Variants in NAV3 observed in about 807,000 individuals in gnomAD.
NAV3 encodes neuron navigator 3.
NAV3 carries 87 observed loss-of-function variants against 244.7 expected under a neutral mutation model. That is an observed-to-expected ratio of 0.36 (90% CI 0.30 to 0.42). The LOEUF (loss-of-function observed/expected upper bound fraction) is 0.42. NAV3 is among the 20% of genes least tolerant of loss of function. NAV3 has a pLI of 1.00. For synonymous variants in NAV3, 1,126 were observed against 1,042.2 expected (o/e 1.08, Z -1.55); for missense variants, 2,663 against 2,893.3 (o/e 0.92, Z 1.83).
intron 2 of NAV3, among the ~76,000 whole-genome samples, chr12:77,721,544 T>C (rs1427091380): frequency 2.0e-5 from 3 of 152,182 alleles, no homozygotes; most frequent in Non-Finnish European, 2.9e-5. Flanking sequence ...CTTAAATTAG[T>C]TCTAGATATT....
At chr12:77,656,364 C>A (rs1873103893) in intron 2 of NAV3, among the ~76,000 whole-genome samples, 2 of 124,380 alleles carry the variant, frequency 1.6e-5, no homozygotes, top group African/African-American at 3.6e-5. Flanking sequence ...ACAAAGAAGG[C>A]CATTACATAA....
At chr12:78,070,887 A>C (rs1381988457) in intron 12 of NAV3, among the ~76,000 whole-genome samples, 3 of 147,558 alleles carry the variant, frequency 2.0e-5, no homozygotes, top group Admixed American at 1.4e-4. Context: ...TGAACTCATC[A>C]TTTTTTATGG....
At chr12:78,000,964 C>T (rs549365813) in intron 7 of NAV3, among the ~76,000 whole-genome samples, 4 of 96,700 alleles carry the variant, frequency 4.1e-5, no homozygotes, top group South Asian at 5.0e-4. Context: ...GGCGACAGAG[C>T]GAGACTGGGT....
intron 2 of NAV3, among the ~76,000 whole-genome samples, chr12:77,618,258 C>T (rs1415492389): frequency 2.0e-5 from 3 of 152,112 alleles, no homozygotes; most frequent in Non-Finnish European, 4.4e-5. Flanking sequence ...ATTCATGACC[C>T]ATAGAAACTA....
chr12:77,776,725 G>T (rs1435067689), intron 2 of NAV3, among the ~76,000 whole-genome samples: 1 of 152,132 alleles, frequency 6.6e-6, no homozygotes, highest in South Asian at 2.1e-4. Flanking sequence ...ATGATTAATA[G>T]GAACGAATAT....
intron 2 of NAV3, among the ~76,000 whole-genome samples, chr12:77,573,416 G>T (rs1200061828): frequency 6.6e-6 from 1 of 152,120 alleles, no homozygotes; most frequent in Non-Finnish European, 1.5e-5. Context: ...CATTTTTTGT[G>T]CAGTGTCAGT....
In NAV3 at chr12:77,931,083, T is replaced by C. The variant is rs1888739198; in HGVS notation, c.244-9236T>C. On this transcript the variant is annotated intron_variant, in intron 1 of 39. Transcript: ENST00000397909. Reference sequence around the variant, plus strand: ...AAATTCTTTCCTATAATTTTTTTCCTATCTTATTTTTTGGAACTAGTATTT... The same window carrying C: ...AAATTCTTTCCTATAATTTTTTTCCCATCTTATTTTTTGGAACTAGTATTT... Among the ~76,000 whole-genome samples the C allele has an allele frequency of 2.7e-5, 4 of 145,734 alleles. No individual in the cohort carries two copies. In the South Asian group the frequency reaches 8.4e-4, roughly 31 times the overall value.
In NAV3 at chr12:77,966,230, T is replaced by C. The variant is rs943431202; in HGVS notation, c.416T>C (p.Ile139Thr). 6 of 1,613,422 alleles carry C rather than the reference T, an allele frequency of 3.7e-6. No homozygotes were observed. The highest frequency in any genetic ancestry group is 3.3e-5 in the Admixed American group (2 of 59,970). The change falls in exon 4 of 40, where the codon ATT (isoleucine) becomes ACT (threonine). Residue 139 changes from isoleucine (I) to threonine (T), a missense_variant and splice_region_variant. Transcript: ENST00000397909. ...TTTTCACTGCTTTTCATGTTGCAGA[T>C]TGAAAATGTTGATGTCTGCCTTAGT... ...NGCPRSQSQM[I>T]ENVDVCLSFL...
chr12:77,751,292 A>C (rs879552492), intron 2 of NAV3, among the ~76,000 whole-genome samples: 8 of 152,132 alleles, frequency 5.3e-5, no homozygotes, highest in Admixed American at 5.2e-4. Context: ...CTTTGAAAGG[A>C]CTTCTTTTTC....
chr12:78,145,286 G>A (rs1956819348), intron 20 of NAV3, among the ~76,000 whole-genome samples: 2 of 152,054 alleles, frequency 1.3e-5, no homozygotes, highest in Admixed American at 1.3e-4. Context: ...ATTTTTAAAG[G>A]TAGTGAAAAT....
At chr12:77,983,215 C>T (rs1869879487) in intron 5 of NAV3, among the ~76,000 whole-genome samples, 1 of 152,014 alleles carries the variant, frequency 6.6e-6, no homozygotes, top group South Asian at 2.1e-4. Flanking sequence ...AGAAATATTG[C>T]CCTGGTGACA....
At chr12:78,192,814 A>G (rs1008637928) in intron 34 of NAV3, among the ~76,000 whole-genome samples, 2 of 152,160 alleles carry the variant, frequency 1.3e-5, no homozygotes, top group African/African-American at 4.8e-5. Context: ...TGGTTTGAAG[A>G]TATGAACAAG....
intron 2 of NAV3, among the ~76,000 whole-genome samples, chr12:77,611,621 A>T (rs1393467091): frequency 6.6e-6 from 1 of 151,910 alleles, no homozygotes; most frequent in Non-Finnish European, 1.5e-5. Context: ...ACAGGCCCTT[A>T]TGTATCCTTA....
At chr12:78,107,174 A>G (rs546513127) in intron 12 of NAV3, among the ~76,000 whole-genome samples, 1 of 152,350 alleles carries the variant, frequency 6.6e-6, no homozygotes, top group East Asian at 1.9e-4. Context: ...TCAGAAGGTA[A>G]AGACAGGTCT....
At chr12:77,840,115 A>T (rs1446423399) in intron 1 of NAV3, among the ~76,000 whole-genome samples, 2 of 151,976 alleles carry the variant, frequency 1.3e-5, no homozygotes, top group East Asian at 3.9e-4. Context: ...TGATTTAGTC[A>T]AGTAAATATG....
chr12:78,045,469 AT>A (rs1340743490), intron 9 of NAV3, among the ~76,000 whole-genome samples: 1 of 151,822 alleles, frequency 6.6e-6, no homozygotes, highest in Non-Finnish European at 1.5e-5. Context: ...CTAATTTTGT[AT>A]TTTTAGTAGA....
Position 78,177,576 on chromosome 12 carries a change from A to G in NAV3, c.5298-44A>G, listed in dbSNP as rs752659839. ...TGAATCATGATTCTCACTTCTTTTC[A>G]TGGGCATTTGTCCATGTATCTGTCT... On this transcript the variant is annotated intron_variant, in intron 27 of 39. Coordinates refer to ENST00000397909, the MANE Select transcript of NAV3 (RefSeq NM_001024383.2). The G allele has an allele frequency of 1.4e-5, 22 of 1,536,900 alleles. No homozygotes were observed. In the African/African-American group the frequency reaches 3.0e-4, roughly 21 times the overall value.
chr12:77,764,123 T>C (rs1869626277), intron 2 of NAV3, among the ~76,000 whole-genome samples: 1 of 152,224 alleles, frequency 6.6e-6, no homozygotes, highest in Non-Finnish European at 1.5e-5. Flanking sequence ...TTCCCACAAG[T>C]GGATGAATGC....
At chr12:78,136,636 A>G (rs1410349334) in intron 18 of NAV3, among the ~76,000 whole-genome samples, 1 of 152,144 alleles carries the variant, frequency 6.6e-6, no homozygotes, top group Admixed American at 6.5e-5. Context: ...AAAAATGTTT[A>G]TTATACACTA....
Sources: gnomAD v4.1 joint callset for allele counts (sites outside exome capture counted in the v4.1 genomes callset) on GRCh38, gnomAD v4.1.1 for gene constraint, MANE v1.5 for transcripts, NCBI Gene and HGNC (gene_info 2026-07-23, HGNC 2026-07-21) for gene names.